The following RAB27B variants were observed in gnomAD, a reference collection of about 807,000 sequenced individuals.
RAB27B encodes ras-related protein Rab-27B.
Under a neutral mutation model 24.6 loss-of-function variants are expected in RAB27B, and 15 were observed. That is an observed-to-expected ratio of 0.61 (90% confidence interval 0.41 to 0.94). The LOEUF is 0.94. Ranked by LOEUF, RAB27B falls within the 40% of genes least tolerant of loss-of-function variation. The probability of loss-of-function intolerance (pLI) is 0.00; values close to 1 mark genes in which losing one functional copy is unlikely to be tolerated. For missense variants in RAB27B, 261 were observed against 266.8 expected (o/e 0.98, Z 0.15); for synonymous variants, 105 against 92.5 (o/e 1.14, Z -0.78).
intron 2 of RAB27B, among the ~76,000 whole-genome samples, chr18:54,736,232 T>C (rs1441005495): frequency 6.6e-6 from 1 of 152,182 alleles, no homozygotes; most frequent in African/African-American, 2.4e-5. Flanking sequence ...TTTATTTTTC[T>C]ATGCTCGATT....
At chr18:54,811,042 C>T (rs1173025875) in intron 2 of RAB27B, among the ~76,000 whole-genome samples, 2 of 151,796 alleles carry the variant, frequency 1.3e-5, no homozygotes, top group African/African-American at 4.8e-5. Context: ...AATACATTTC[C>T]TATGAAAAAA....
intron 2 of RAB27B, among the ~76,000 whole-genome samples, chr18:54,730,880 A>G (rs1358999468): frequency 6.6e-6 from 1 of 152,240 alleles, no homozygotes; most frequent in East Asian, 1.9e-4. Context: ...GCAAGAACGT[A>G]CTAACACACT....
At chr18:54,817,641 T>C (rs1910161867) in intron 2 of RAB27B, among the ~76,000 whole-genome samples, 1 of 152,076 alleles carries the variant, frequency 6.6e-6, no homozygotes, top group Admixed American at 6.6e-5. Flanking sequence ...ATTTGATTAG[T>C]TGCATTAGTT....
In RAB27B at chr18:54,894,150, A is replaced by T. The variant is rs1196385939; in HGVS notation, c.*4737A>T. 1 of 151,994 alleles carries T rather than the reference A, an allele frequency of 6.6e-6. No individual in the cohort carries two copies. The highest frequency in any genetic ancestry group is 1.5e-5 in the Non-Finnish European group (1 of 67,922). The allele number at this position is 151,994 out of a possible 1,614,324, so 9.4% of individuals were successfully genotyped here. On this transcript the variant is annotated 3_prime_UTR_variant, in exon 6 of 6. Transcript: ENST00000262094. ...GATGCTTTCCTGCAGAGTTCTTTGTATCAACAGCCTATGGTTGAGATGTTT... is the reference window on the plus strand; with the variant it reads ...GATGCTTTCCTGCAGAGTTCTTTGTTTCAACAGCCTATGGTTGAGATGTTT...
chr18:54,838,957 A>G (rs140601453), intron 1 of RAB27B, among the ~76,000 whole-genome samples: 1,824 of 152,262 alleles, frequency 0.012, 21 homozygotes, highest in African/African-American at 0.042. Flanking sequence ...AGCTAACATT[A>G]TAGGGACAAA....
chr18:54,823,981 T>TTTAAC (rs3060014), upstream of RAB27B, among the ~76,000 whole-genome samples: 144,814 of 152,044 alleles, frequency 0.95, 69,399 homozygotes, highest in East Asian at 1. Flanking sequence ...TTAGCAGCTT[T>TTTAAC]TGTACTTTTA....
chr18:54,772,460 A>G (rs1908581173), intron 2 of RAB27B, among the ~76,000 whole-genome samples: 3 of 152,184 alleles, frequency 2.0e-5, no homozygotes, highest in Non-Finnish European at 4.4e-5. Flanking sequence ...TTAATTCTGT[A>G]TTGGCCTCTA....
At chr18:54,832,018 C>T (rs1250365848) in intron 1 of RAB27B, among the ~76,000 whole-genome samples, 8 of 152,154 alleles carry the variant, frequency 5.3e-5, no homozygotes, top group Admixed American at 5.2e-4. Flanking sequence ...TCATGATCTG[C>T]CTACCTTGGC....
chr18:54,723,302 T>C (rs1435422099), intron 2 of RAB27B, among the ~76,000 whole-genome samples: 1 of 152,244 alleles, frequency 6.6e-6, no homozygotes, highest in Non-Finnish European at 1.5e-5. Flanking sequence ...TTATTGGAGA[T>C]GTAACTTGAT....
At chr18:54,742,069 G>A (rs924671351) in intron 2 of RAB27B, among the ~76,000 whole-genome samples, 1 of 152,182 alleles carries the variant, frequency 6.6e-6, no homozygotes. Flanking sequence ...TTTTCATAGA[G>A]GAGTGAATGT....
chr18:54,859,685 A>C (rs150091404), intron 1 of RAB27B, among the ~76,000 whole-genome samples: 2 of 152,294 alleles, frequency 1.3e-5, no homozygotes, highest in Non-Finnish European at 2.9e-5. Context: ...GCTAATGATG[A>C]CTTTTCTCAC....
At chr18:54,852,678 G>T (rs1598961713) in intron 1 of RAB27B, among the ~76,000 whole-genome samples, 2 of 152,314 alleles carry the variant, frequency 1.3e-5, no homozygotes, top group Non-Finnish European at 2.9e-5. Context: ...CTTATTGAAA[G>T]AAATAGTTGA....
At chr18:54,883,592 G>A (rs1034582220) in intron 3 of RAB27B, among the ~76,000 whole-genome samples, 1 of 152,068 alleles carries the variant, frequency 6.6e-6, no homozygotes, top group Non-Finnish European at 1.5e-5. Context: ...GGCTGGGGTC[G>A]GGGGTGAGGG....
intron 2 of RAB27B, among the ~76,000 whole-genome samples, chr18:54,802,820 G>A (rs1007628368): frequency 2.6e-5 from 4 of 152,172 alleles, no homozygotes; most frequent in Admixed American, 6.5e-5. Flanking sequence ...GCTCTTCAAC[G>A]TAGCAAGAGA....
Position 54,893,936 on chromosome 18 carries a change from T to G in RAB27B, c.*4523T>G, listed in dbSNP as rs1229392506. 1 of 151,990 alleles carries G rather than the reference T, an allele frequency of 6.6e-6. No individual in the cohort carries two copies. The highest frequency in any genetic ancestry group is 2.4e-5 in the African/African-American group (1 of 41,440). 9.4% of individuals were successfully genotyped at this position (151,990 alleles called of 1,614,324 possible). On this transcript the variant is annotated 3_prime_UTR_variant, in exon 6 of 6. Coordinates refer to ENST00000262094, the MANE Select transcript of RAB27B (RefSeq NM_004163.4). The stretch of plus-strand genomic sequence containing the variant: ...TTTTTGTTCATTTTCTTCTACCAAG[T>G]AGAGGTTTATGCCCTCAGAACTAAA...
intron 2 of RAB27B, among the ~76,000 whole-genome samples, chr18:54,758,974 C>G (rs1908096457): frequency 6.6e-6 from 1 of 152,206 alleles, no homozygotes. Flanking sequence ...AGCACAAACT[C>G]AACCCCAATT....
chr18:54,866,263 TCCTCCCCG>T (rs147164249), intron 1 of RAB27B, among the ~76,000 whole-genome samples: 35,478 of 151,578 alleles, frequency 0.23, 4,155 homozygotes, highest in South Asian at 0.32. Context: ...GGGATCCTTC[TCCTCCCCG>T]CCTCCCCGCC....
At chr18:54,771,557 C>T (rs1908549308) in intron 2 of RAB27B, among the ~76,000 whole-genome samples, 1 of 150,440 alleles carries the variant, frequency 6.6e-6, no homozygotes, top group Non-Finnish European at 1.5e-5. Flanking sequence ...GTTGGAAGTA[C>T]AAAATGGTAT....
intron 1 of RAB27B, among the ~76,000 whole-genome samples, 151 bp from the exon 2 acceptor site, chr18:54,877,416 A>G (rs1279259617): frequency 6.6e-6 from 1 of 152,210 alleles, no homozygotes; most frequent in Non-Finnish European, 1.5e-5. Context: ...CTTCACCCCT[A>G]AAGCTGCTTT....
Sources: gnomAD v4.1 joint callset for allele counts (sites outside exome capture counted in the v4.1 genomes callset) on GRCh38, gnomAD v4.1.1 for gene constraint, MANE v1.5 for transcripts, NCBI Gene and HGNC (gene_info 2026-07-23, HGNC 2026-07-21) for gene names.